Variants in ZNF700 observed in about 807,000 individuals in gnomAD.
ZNF700 encodes the protein zinc finger protein 700.
Under a neutral mutation model 65.3 loss-of-function variants are expected in ZNF700, and 38 were observed. The ratio of observed to expected loss-of-function variants is 0.58; its 90% CI spans 0.45 to 0.76. The LOEUF (loss-of-function observed/expected upper bound fraction) is 0.76, where lower values mean the gene tolerates loss of function less well. Ranked by LOEUF, ZNF700 falls within the 30% of genes least tolerant of loss-of-function variation. The pLI is 0.00. For missense variants in ZNF700, 857 were observed against 888.4 expected, an observed-to-expected ratio of 0.96 and a Z score of 0.45; for synonymous variants, 285 against 290.4, an observed-to-expected ratio of 0.98 and a Z score of 0.19.
chr19:11,932,173 C>A (rs1202005132), intron 1 of ZNF700, among the ~76,000 whole-genome samples: 5 of 146,904 alleles, frequency 3.4e-5, no homozygotes, highest in African/African-American at 1.3e-4. Flanking sequence ...GGCAACATGG[C>A]AAACCTTGTC....
chr19:11,947,184 C>T lies in ZNF700; in HGVS notation c.67C>T (p.Pro23Ser). ...PGTSESREMD[P>S]VAFEDVAVNF... The stretch of plus-strand genomic sequence containing the variant: ...CTACACATGTGAGATGTTTCAGGAC[C>T]CAGTGGCCTTTGAGGATGTGGCTGT... The change falls in exon 2 of 4, where the codon CCA becomes TCA. Residue 23 changes from proline to serine, a missense_variant. This residue lies in a region of ZNF700 where 603 missense variants were observed against 619.9 expected (regional missense o/e 0.97). Coordinates refer to ENST00000254321, the MANE Select transcript of ZNF700 (RefSeq NM_144566.3). The T allele has an allele frequency of 6.2e-7, 1 of 1,613,738 alleles. No individual in the cohort carries two copies. The highest frequency in any genetic ancestry group is 2.2e-5 in the East Asian group (1 of 44,864).
chr19:11,945,720 T>G (rs930802311), intron 1 of ZNF700, among the ~76,000 whole-genome samples: 12 of 152,034 alleles, frequency 7.9e-5, no homozygotes, highest in African/African-American at 2.9e-4. Context: ...TTCCTCCTCC[T>G]GGGGGACAGT....
In ZNF700 at chr19:11,949,240, C is replaced by A. The variant is rs771442775; in HGVS notation, c.1216C>A (p.Arg406=). ...AGCCTTCAATCTTTCCAGTTCCTTT[C>A]GATATCATGAAAGGATTCACACTGG... ...GKAFNLSSSF[R]YHERIHTGEK... The change falls in exon 4 of 4, where the codon CGA becomes AGA. Residue 406 remains arginine (R), a synonymous_variant. Coordinates refer to ENST00000254321, the MANE Select transcript of ZNF700 (RefSeq NM_144566.3). The A allele has an allele frequency of 3.1e-6, 5 of 1,613,750 alleles. No individual in the cohort carries two copies. The highest frequency in any genetic ancestry group is 4.2e-6 in the Non-Finnish European group (5 of 1,179,946).
chr19:11,949,328 T>C lies in ZNF700; in HGVS notation c.1304T>C (p.Val435Ala). The C allele has an allele frequency of 2.5e-6, 4 of 1,611,602 alleles. No homozygotes were observed. The East Asian group carries it at 9.0e-5, about 36-fold the overall frequency. ...KAFRSASQLRVHGGTHTGEKP... is the reference protein window; with the variant it reads ...KAFRSASQLRAHGGTHTGEKP... ...TTCAGATCTGCCTCACAGCTTCGAG[T>C]GCACGGTGGGACTCACACTGGAGAG... Residue 435 changes from valine to alanine, a missense_variant, in exon 4 of 4, where the codon GTG (valine) becomes GCG (alanine). Coordinates refer to ENST00000254321, the MANE Select transcript of ZNF700 (RefSeq NM_144566.3).
At chr19:11,926,052 G>A (rs1186648314) in intron 1 of ZNF700, among the ~76,000 whole-genome samples, 2 of 152,142 alleles carry the variant, frequency 1.3e-5, no homozygotes, top group Non-Finnish European at 2.9e-5. Flanking sequence ...TTGAGAGTGT[G>A]AAGTTTGTCT....
At chr19:11,934,774 G>T (rs1450632062) in intron 1 of ZNF700, among the ~76,000 whole-genome samples, 1 of 148,000 alleles carries the variant, frequency 6.8e-6, no homozygotes, top group Non-Finnish European at 1.5e-5. Context: ...TCATCCACCT[G>T]CCTCGGCTTC....
At chr19:11,929,250 G>A (rs1315060715) in intron 1 of ZNF700, among the ~76,000 whole-genome samples, 6 of 148,378 alleles carry the variant, frequency 4.0e-5, no homozygotes, top group Non-Finnish European at 7.4e-5. Flanking sequence ...TGCAGCCTCC[G>A]CCTCCTGGGT....
chr19:11,947,348 C>G, intron 2 of ZNF700, 41 bp downstream of exon 2: 1 of 1,611,802 alleles, frequency 6.2e-7, no homozygotes, highest in East Asian at 2.2e-5. Flanking sequence ...CATTAGCAAA[C>G]CAGTGTTTCT....
intron 1 of ZNF700, among the ~76,000 whole-genome samples, chr19:11,926,139 T>A (rs1463832224): frequency 6.6e-6 from 1 of 152,212 alleles, no homozygotes; most frequent in Admixed American, 6.5e-5. Context: ...AACAGACCTG[T>A]TTCTCTAGAT....
intron 1 of ZNF700, among the ~76,000 whole-genome samples, chr19:11,935,997 G>C (rs1416822003): frequency 2.6e-5 from 4 of 152,136 alleles, no homozygotes; most frequent in Admixed American, 6.6e-5. Context: ...TGAGTATGAT[G>C]ATTTCCAGTT....
intron 1 of ZNF700, among the ~76,000 whole-genome samples, chr19:11,933,966 A>G (rs1416768862): frequency 6.8e-6 from 1 of 147,644 alleles, no homozygotes; most frequent in African/African-American, 2.7e-5. Flanking sequence ...GTGAGCCATC[A>G]TGTCCGGCCA....
intron 1 of ZNF700, among the ~76,000 whole-genome samples, chr19:11,934,192 A>G (rs1409457413): frequency 6.8e-6 from 1 of 147,966 alleles, no homozygotes; most frequent in African/African-American, 2.7e-5. Context: ...TTTTTTTAAA[A>G]AAAGACTCAC....
At chr19:11,929,804 C>T (rs1328487936) in intron 1 of ZNF700, among the ~76,000 whole-genome samples, 1 of 148,174 alleles carries the variant, frequency 6.7e-6, no homozygotes, top group Non-Finnish European at 1.5e-5. Flanking sequence ...TGTTTCTGAA[C>T]ATTTCACATG....
At chr19:11,930,534 T>G (rs1972697871) in intron 1 of ZNF700, among the ~76,000 whole-genome samples, 1 of 148,628 alleles carries the variant, frequency 6.7e-6, no homozygotes, top group Non-Finnish European at 1.5e-5. Flanking sequence ...ATATAAGAAC[T>G]CACTATAACC....
At chr19:11,925,805 A>G (rs751764365) in intron 1 of ZNF700, among the ~76,000 whole-genome samples, 9 of 152,272 alleles carry the variant, frequency 5.9e-5, no homozygotes, top group Admixed American at 4.6e-4. Flanking sequence ...AAGTTTATTC[A>G]GAGCCGAATA....
At chr19:11,937,304 T>C (rs1379063795) in intron 1 of ZNF700, among the ~76,000 whole-genome samples, 3 of 152,106 alleles carry the variant, frequency 2.0e-5, no homozygotes, top group Admixed American at 6.6e-5. Context: ...CTAATCCAGG[T>C]GTTTCAGTAC....
At chr19:11,945,385 C>A (rs1972943784) in intron 1 of ZNF700, among the ~76,000 whole-genome samples, 1 of 152,172 alleles carries the variant, frequency 6.6e-6, no homozygotes, top group Non-Finnish European at 1.5e-5. Context: ...CTTGATTGAC[C>A]AAGCACAAGT....
intron 1 of ZNF700, among the ~76,000 whole-genome samples, chr19:11,928,504 G>A (rs111948602): frequency 0.028 from 4,114 of 149,050 alleles, 237 homozygotes; most frequent in African/African-American, 0.097. Context: ...AGGCCGAGGC[G>A]GGCGGATCAC....
Position 11,949,606 on chromosome 19 carries a change from A to T in ZNF700, c.1582A>T (p.Lys528Ter), listed in dbSNP as rs1973027012. 1 of 1,613,098 alleles carries T rather than the reference A, an allele frequency of 6.2e-7. No individual in the cohort carries two copies. Among genetic ancestry groups the T allele is most frequent in the African/African-American group, 1.3e-5 (1 of 74,730 alleles). The stretch of plus-strand genomic sequence containing the variant: ...TGCCAAGTCATTTCAAACACATGAA[A>T]AAACTCACACTGGAGAGAAACCCTA... ...YSAKSFQTHE[K>*]THTGEKPYEC... The change falls in exon 4 of 4, where the codon AAA (lysine) becomes TAA (stop). Residue 528 changes from lysine (K) to a stop codon, truncating the protein, a stop_gained. Coordinates refer to ENST00000254321, the MANE Select transcript of ZNF700 (RefSeq NM_144566.3). LOFTEE classifies it high-confidence loss of function.
Sources: allele counts gnomAD v4.1 joint callset (sites outside exome capture counted in the v4.1 genomes callset), GRCh38; gene constraint gnomAD v4.1.1; regional missense constraint gnomAD v4.1.1; transcripts MANE v1.5; gene names NCBI Gene and HGNC (gene_info 2026-07-23, HGNC 2026-07-21).